MIPOL1: variants seen among roughly 807,000 people sequenced by gnomAD.
MIPOL1 encodes mirror-image polydactyly 1.
A neutral mutation model predicts 60.9 loss-of-function variants in MIPOL1; 57 were observed. The observed-to-expected ratio is 0.94, with a 90% CI of 0.76 to 1.17. The LOEUF (loss-of-function observed/expected upper bound fraction) is 1.17. MIPOL1 is among the 50% of genes most tolerant of loss of function. MIPOL1 has a pLI of 0.00. For synonymous variants in MIPOL1, 179 were observed against 168.8 expected (o/e 1.06, Z -0.47); for missense variants, 551 against 511.6 (o/e 1.08, Z -0.74).
intron 10 of MIPOL1, 118 bp from the exon 11 acceptor site, chr14:37,422,737 C>T (rs2093895566): frequency 7.6e-6 from 5 of 661,318 alleles, no homozygotes; most frequent in Non-Finnish European, 1.3e-5. Context: ...CTGCTAAAAA[C>T]ATTCATAGGT....
intron 9 of MIPOL1, among the ~76,000 whole-genome samples, chr14:37,344,690 A>G (rs2044977552): frequency 6.6e-6 from 1 of 152,080 alleles, no homozygotes; most frequent in Non-Finnish European, 1.5e-5. Flanking sequence ...CTCTAAAGAG[A>G]GCTATCTTCT....
chr14:37,402,027 C>T (rs2093492992), intron 10 of MIPOL1: 1 of 151,868 alleles, frequency 6.6e-6, no homozygotes, highest in South Asian at 2.1e-4. Flanking sequence ...TGAGATGGTG[C>T]AAAACTGGAA....
At chr14:37,387,978 G>A (rs757171014) in intron 10 of MIPOL1, among the ~76,000 whole-genome samples, 3 of 151,800 alleles carry the variant, frequency 2.0e-5, no homozygotes, top group Admixed American at 1.3e-4. Context: ...GCAAAGATGT[G>A]ACTTAAAACG....
intron 1 of MIPOL1, among the ~76,000 whole-genome samples, chr14:37,240,955 A>G (rs1033482354): frequency 2.6e-5 from 4 of 151,930 alleles, no homozygotes; most frequent in African/African-American, 2.4e-5. Flanking sequence ...ACACACACAC[A>G]CACACACACA....
At chr14:37,224,024 A>G (rs1479138138) in intron 1 of MIPOL1, among the ~76,000 whole-genome samples, 1 of 152,206 alleles carries the variant, frequency 6.6e-6, no homozygotes, top group African/African-American at 2.4e-5. Flanking sequence ...ATGACCATTT[A>G]TCTCCTCAGT....
At chr14:37,460,668 A>T (rs1012320322) in intron 11 of MIPOL1, among the ~76,000 whole-genome samples, 7 of 152,216 alleles carry the variant, frequency 4.6e-5, no homozygotes, top group Non-Finnish European at 1.0e-4. Context: ...AAGTTTCGGG[A>T]TACAAAGACA....
intron 1 of MIPOL1, among the ~76,000 whole-genome samples, chr14:37,217,680 A>C (rs373527104): frequency 6.6e-6 from 1 of 152,216 alleles, no homozygotes; most frequent in East Asian, 1.9e-4. Flanking sequence ...GATTTGATAA[A>C]ATTCAGCTTC....
intron 11 of MIPOL1, among the ~76,000 whole-genome samples, chr14:37,495,484 T>C (rs938278599): frequency 1.3e-5 from 2 of 150,872 alleles, no homozygotes; most frequent in African/African-American, 4.9e-5. Flanking sequence ...GGCTGCATAG[T>C]ATCCCATGGT....
At chr14:37,410,588 G>A (rs1025846188) in intron 10 of MIPOL1, among the ~76,000 whole-genome samples, 25 of 152,076 alleles carry the variant, frequency 1.6e-4, no homozygotes, top group Non-Finnish European at 3.1e-4. Flanking sequence ...CAAAAGAAAA[G>A]TGACTAATAT....
At position 37,445,707 on chromosome 14, in the gene MIPOL1, A is replaced by G. The variant is rs1250707032; in HGVS notation, c.1031+22758A>G. 2.0e-5 allele frequency among the ~76,000 whole-genome samples: 3 copies of G among 151,810 alleles called. No homozygotes were observed. The South Asian group carries it at 6.2e-4, about 32-fold the overall frequency. ...GCTACAGTAACCAAAACAGCATGGTACTGGTACCAAAACAGAGATATAGAT... is the reference window on the plus strand; with the variant it reads ...GCTACAGTAACCAAAACAGCATGGTGCTGGTACCAAAACAGAGATATAGAT... On this transcript the variant is annotated intron_variant, in intron 11 of 12. Transcript: ENST00000684589.
intron 1 of MIPOL1, among the ~76,000 whole-genome samples, chr14:37,233,567 G>A (rs1228626618): frequency 6.6e-6 from 1 of 152,100 alleles, no homozygotes; most frequent in Non-Finnish European, 1.5e-5. Context: ...TACATCATTA[G>A]CTGACGAAAA....
chr14:37,242,098 T>C (rs1972456811), intron 1 of MIPOL1, among the ~76,000 whole-genome samples: 1 of 150,514 alleles, frequency 6.6e-6, no homozygotes, highest in Non-Finnish European at 1.5e-5. Flanking sequence ...TCGGTGGTAA[T>C]GTAATGTCCT....
At chr14:37,435,351 T>C (rs1278651488) in intron 11 of MIPOL1, among the ~76,000 whole-genome samples, 4 of 152,172 alleles carry the variant, frequency 2.6e-5, no homozygotes, top group Non-Finnish European at 4.4e-5. Context: ...TCTGTTCCTT[T>C]ACTTTGTTCA....
chr14:37,527,036 T>C (rs756751807), intron 12 of MIPOL1, among the ~76,000 whole-genome samples: 1 of 152,182 alleles, frequency 6.6e-6, no homozygotes, highest in Admixed American at 6.5e-5. Context: ...AAAAATATTT[T>C]ATTAGCAGTT....
At chr14:37,210,850 A>G (rs932160320) in intron 1 of MIPOL1, among the ~76,000 whole-genome samples, 2 of 152,216 alleles carry the variant, frequency 1.3e-5, no homozygotes, top group African/African-American at 4.8e-5. Flanking sequence ...GGTCTCTCCT[A>G]TAATCCTAAT....
In MIPOL1 at chr14:37,337,218, G is replaced by A. The variant is rs1482633510; in HGVS notation, c.828+28699G>A. Among the ~76,000 whole-genome samples the A allele has an allele frequency of 2.0e-5, 3 of 149,866 alleles. No individual in the cohort carries two copies. In the East Asian group the frequency reaches 5.9e-4, roughly 29 times the overall value. ...GGGATCTAGGGCTTGGAGCTTCTTTGTCAGCTATCTTACTGATAATCACTC... is the reference window on the plus strand; with the variant it reads ...GGGATCTAGGGCTTGGAGCTTCTTTATCAGCTATCTTACTGATAATCACTC... On this transcript the variant is annotated intron_variant, in intron 9 of 12. Coordinates refer to ENST00000684589, the MANE Select transcript of MIPOL1 (RefSeq NM_001388067.1).
At chr14:37,305,238 A>G (rs1167940849) in intron 7 of MIPOL1, among the ~76,000 whole-genome samples, 1 of 151,832 alleles carries the variant, frequency 6.6e-6, no homozygotes, top group East Asian at 1.9e-4. Flanking sequence ...CTAATCTTTA[A>G]CTAGATATTG....
chr14:37,542,562 C>T (rs1437373409), intron 12 of MIPOL1, among the ~76,000 whole-genome samples: 1 of 152,072 alleles, frequency 6.6e-6, no homozygotes, highest in Non-Finnish European at 1.5e-5. Context: ...GCCTGGAATG[C>T]ACAACCATGC....
intron 1 of MIPOL1, among the ~76,000 whole-genome samples, chr14:37,220,384 G>C (rs1248928336): frequency 1.3e-5 from 2 of 152,070 alleles, no homozygotes; most frequent in African/African-American, 2.4e-5. Context: ...TCTTTAAGCA[G>C]CATGTCTTGA....
Sources: allele counts gnomAD v4.1 joint callset (sites outside exome capture counted in the v4.1 genomes callset), GRCh38; gene constraint gnomAD v4.1.1; transcripts MANE v1.5; gene names NCBI Gene and HGNC (gene_info 2026-07-23, HGNC 2026-07-21).